The following ACSL3 variants were observed in gnomAD, a reference collection of about 807,000 sequenced individuals.
The protein encoded by ACSL3 is acyl-CoA synthetase long chain family member 3.
A neutral mutation model predicts 84.7 loss-of-function variants in ACSL3; 34 were observed. The ratio of observed to expected loss-of-function variants is 0.40; its 90% CI spans 0.31 to 0.53. ACSL3 has a LOEUF of 0.53. Ranked by LOEUF, ACSL3 falls within the 20% of genes least tolerant of loss-of-function variation. The pLI, the probability that ACSL3 is intolerant of heterozygous loss-of-function variation, is 0.48. For synonymous variants in ACSL3, 315 were observed against 299.4 expected, an observed-to-expected ratio of 1.05 and a Z score of -0.54; for missense variants, 680 against 873.1, an observed-to-expected ratio of 0.78 and a Z score of 2.79.
At chr2:222,888,475 A>G (rs1447188397) in intron 2 of ACSL3, among the ~76,000 whole-genome samples, 1 of 152,074 alleles carries the variant, frequency 6.6e-6, no homozygotes, top group East Asian at 1.9e-4. Context: ...GGAATAGTCT[A>G]TGTTGGTAAA....
intron 1 of ACSL3, among the ~76,000 whole-genome samples, chr2:222,871,771 A>T (rs1695307990): frequency 6.6e-6 from 1 of 152,180 alleles, no homozygotes; most frequent in Admixed American, 6.5e-5. Context: ...GTGGGAGAGC[A>T]GGTCTAGTGG....
intron 1 of ACSL3, among the ~76,000 whole-genome samples, chr2:222,874,003 T>A (rs952504145): frequency 6.6e-6 from 1 of 152,184 alleles, no homozygotes; most frequent in Non-Finnish European, 1.5e-5. Context: ...CCATTGCACC[T>A]GTACTTGGAT....
chr2:222,862,429 G>A lies in ACSL3; in HGVS notation c.-207+1171G>A, dbSNP rs952048499. ...TCCACAGTGGATTTTAGTCTGGGTG[G>A]CCAGGAGAGTTGTAGTTTGATGATA... On this transcript the variant is annotated intron_variant, in intron 1 of 16. Transcript: ENST00000357430. Among the ~76,000 whole-genome samples the A allele has an allele frequency of 3.9e-5, 6 of 152,176 alleles. No homozygotes were observed. The East Asian group carries it at 7.7e-4, about 19-fold the overall frequency.
At chr2:222,911,056 T>TCTTTTTTTTTTTC (rs61315636) in intron 4 of ACSL3, among the ~76,000 whole-genome samples, 1 of 147,604 alleles carries the variant, frequency 6.8e-6, no homozygotes, top group Non-Finnish European at 1.5e-5. Flanking sequence ...TTTTTTTTTT[T>TCTTTTTTTTTTTC]TTTTTTTTTT....
intron 1 of ACSL3, among the ~76,000 whole-genome samples, chr2:222,866,074 G>A (rs1023265546): frequency 6.6e-6 from 1 of 152,088 alleles, no homozygotes. Flanking sequence ...TTGGAATAAG[G>A]ATAATAGCCA....
chr2:222,941,523 G>A lies in ACSL3; in HGVS notation c.2032G>A (p.Val678Ile). The A allele has an allele frequency of 3.1e-6, 5 of 1,603,472 alleles. No homozygotes were observed. Among genetic ancestry groups the A allele is most frequent in the Non-Finnish European group, 4.3e-6 (5 of 1,176,116 alleles). ...SASLEKFEIP[V>I]KIRLSPEPWT... ...AAGTCTGGAAAAGTTTGAAATTCCA[G>A]TAAAAATTCGTTTGAGTCCTGAACC... Residue 678 changes from valine (V) to isoleucine (I), a missense_variant, in exon 17 of 17, where the codon GTA becomes ATA. This residue lies in a region of ACSL3 where 347 missense variants were observed against 525.7 expected (regional missense o/e 0.66). Coordinates refer to ENST00000357430, the MANE Select transcript of ACSL3 (RefSeq NM_004457.5).
chr2:222,872,472 A>T (rs1695331242), intron 1 of ACSL3, among the ~76,000 whole-genome samples: 1 of 152,162 alleles, frequency 6.6e-6, no homozygotes, highest in African/African-American at 2.4e-5. Flanking sequence ...AAATTTAAAT[A>T]AATTATTATT....
chr2:222,864,760 T>C (rs1423596077), intron 1 of ACSL3, among the ~76,000 whole-genome samples: 1 of 152,056 alleles, frequency 6.6e-6, no homozygotes, highest in Non-Finnish European at 1.5e-5. Context: ...AAAGGGTTTG[T>C]GCAGAGTTCC....
intron 3 of ACSL3, among the ~76,000 whole-genome samples, chr2:222,905,639 A>G (rs993198011): frequency 3.3e-5 from 5 of 152,136 alleles, no homozygotes; most frequent in African/African-American, 9.7e-5. Flanking sequence ...AGAAAGCTTT[A>G]ATGTCTCCCC....
chr2:222,887,183 G>A (rs1695745052), intron 1 of ACSL3, among the ~76,000 whole-genome samples: 1 of 152,086 alleles, frequency 6.6e-6, no homozygotes, highest in African/African-American at 2.4e-5. Flanking sequence ...ACAGTACATA[G>A]CATTTTCAGA....
intron 1 of ACSL3, among the ~76,000 whole-genome samples, chr2:222,869,985 A>G (rs1695256918): frequency 6.6e-6 from 1 of 152,086 alleles, no homozygotes; most frequent in Non-Finnish European, 1.5e-5. Flanking sequence ...GAGAGAATTG[A>G]GTGGCTCTGA....
chr2:222,882,210 A>G lies in ACSL3; in HGVS notation c.-206-5620A>G, dbSNP rs145430796. 3.8e-3 allele frequency among the ~76,000 whole-genome samples: 584 copies of G among 152,348 alleles called. 2 individuals are homozygous for G. Among genetic ancestry groups the G allele is most frequent in the Middle Eastern group, 0.02 (6 of 294 alleles). On this transcript the variant is annotated intron_variant, in intron 1 of 16. Coordinates refer to ENST00000357430, the MANE Select transcript of ACSL3 (RefSeq NM_004457.5). Reference sequence around the variant, plus strand: ...TTAGCAAAATGTATTTGTGGAATGTAAATTTTCTAAGTCCTTGAAAGTCTG... The same window carrying G: ...TTAGCAAAATGTATTTGTGGAATGTGAATTTTCTAAGTCCTTGAAAGTCTG...
chr2:222,923,606 T>G (rs1672557806), intron 10 of ACSL3, among the ~76,000 whole-genome samples: 1 of 152,280 alleles, frequency 6.6e-6, no homozygotes, highest in Admixed American at 6.5e-5. Context: ...TAAGAGGGGC[T>G]GTTCATCCTT....
intron 16 of ACSL3, among the ~76,000 whole-genome samples, chr2:222,936,011 A>G (rs1697161924): frequency 6.6e-6 from 1 of 152,152 alleles, no homozygotes; most frequent in South Asian, 2.1e-4. Context: ...GTGGAATCAT[A>G]CGGTATTTAT....
intron 2 of ACSL3, among the ~76,000 whole-genome samples, chr2:222,889,309 G>A (rs939609551): frequency 7.2e-5 from 11 of 152,106 alleles, no homozygotes; most frequent in Admixed American, 6.6e-5. Flanking sequence ...ACAGGAAGAA[G>A]TACTATGGTA....
At chr2:222,922,922 G>A (rs1696779087) in intron 9 of ACSL3, 91 bp downstream of exon 9, 1 of 1,530,684 alleles carries the variant, frequency 6.5e-7, no homozygotes, top group South Asian at 1.2e-5. Flanking sequence ...TATTGCGAGA[G>A]CGATGGTTCA....
intron 1 of ACSL3, among the ~76,000 whole-genome samples, chr2:222,880,046 C>G (rs1559279357): frequency 6.6e-6 from 1 of 152,140 alleles, no homozygotes; most frequent in Non-Finnish European, 1.5e-5. Context: ...TGCTGTGCAA[C>G]TTACTGAATA....
chr2:222,908,759 CT>C lies in ACSL3; in HGVS notation c.-9del. 6.4e-7 allele frequency: 1 copy of C among 1,564,908 alleles called. No individual in the cohort carries two copies. The highest frequency in any genetic ancestry group is 8.6e-7 in the Non-Finnish European group (1 of 1,166,252). ...TTCTCGCTGAAGTCTGTTAATTCTACTTTTTGAGTACTTATGAATAACCACG... is the reference window on the plus strand; with the variant it reads ...TTCTCGCTGAAGTCTGTTAATTCTACTTTTGAGTACTTATGAATAACCACG... On this transcript the variant is annotated 5_prime_UTR_variant, in exon 4 of 17. Coordinates refer to ENST00000357430, the MANE Select transcript of ACSL3 (RefSeq NM_004457.5).
chr2:222,940,004 T>C (rs1697264296), intron 16 of ACSL3, among the ~76,000 whole-genome samples: 1 of 152,226 alleles, frequency 6.6e-6, no homozygotes, highest in Non-Finnish European at 1.5e-5. Flanking sequence ...ACTTTACATG[T>C]AGTAATAGTT....
Sources: gnomAD v4.1 joint callset for allele counts (sites outside exome capture counted in the v4.1 genomes callset) on GRCh38, gnomAD v4.1.1 for gene constraint, gnomAD v4.1.1 regional missense constraint, MANE v1.5 for transcripts, NCBI Gene and HGNC (gene_info 2026-07-23, HGNC 2026-07-21) for gene names.